Variants in CNKSR3 observed in about 807,000 individuals in gnomAD.
CNKSR3 encodes the protein CNKSR family member 3, also known as connector enhancer of kinase suppressor of ras 3.
A neutral mutation model predicts 67.7 loss-of-function variants in CNKSR3; 36 were observed. That is an observed-to-expected ratio of 0.53 (90% CI 0.41 to 0.70). The LOEUF is 0.70. Ranked by LOEUF, CNKSR3 falls within the 30% of genes least tolerant of loss-of-function variation. The pLI, the probability that CNKSR3 is intolerant of heterozygous loss-of-function variation, is 0.00. For missense variants in CNKSR3, 630 were observed against 695.2 expected (o/e 0.91, Z 1.05); for synonymous variants, 281 against 271.4 (o/e 1.04, Z -0.35).
intron 6 of CNKSR3, among the ~76,000 whole-genome samples, chr6:154,429,711 C>T (rs1425650993): frequency 1.3e-5 from 2 of 152,074 alleles, no homozygotes; most frequent in Non-Finnish European, 2.9e-5. Flanking sequence ...CTTTCCCCCT[C>T]CCCCGTCTCC....
intron 2 of CNKSR3, among the ~76,000 whole-genome samples, chr6:154,445,063 A>G (rs561619654): frequency 1.1e-4 from 17 of 152,274 alleles, no homozygotes; most frequent in African/African-American, 3.8e-4. Context: ...AACAACAACA[A>G]AAGGCTTTAA....
chr6:154,437,921 T>G (rs1030689186), intron 4 of CNKSR3, among the ~76,000 whole-genome samples: 1 of 152,202 alleles, frequency 6.6e-6, no homozygotes, highest in African/African-American at 2.4e-5. Flanking sequence ...CTATCAAATT[T>G]GATTCCAGAA....
chr6:154,502,040 A>G (rs1441676965), intron 1 of CNKSR3, among the ~76,000 whole-genome samples: 1 of 152,190 alleles, frequency 6.6e-6, no homozygotes, highest in African/African-American at 2.4e-5. Context: ...AAATATCCCA[A>G]TTACACCACC....
chr6:154,474,674 C>G (rs1786406654), intron 1 of CNKSR3, among the ~76,000 whole-genome samples: 2 of 152,092 alleles, frequency 1.3e-5, no homozygotes, highest in Non-Finnish European at 2.9e-5. Context: ...GTGCCCCTGG[C>G]ACAGCCGTAG....
chr6:154,441,465 T>C (rs997178940), intron 3 of CNKSR3, 86 bp from the exon 4 acceptor site: 21 of 917,934 alleles, frequency 2.3e-5, no homozygotes, highest in Admixed American at 3.9e-5. Context: ...AGCTACCCCA[T>C]GGGCTACTCT....
intron 1 of CNKSR3, among the ~76,000 whole-genome samples, chr6:154,475,878 A>C (rs1236579313): frequency 6.6e-6 from 1 of 152,080 alleles, no homozygotes; most frequent in Non-Finnish European, 1.5e-5. Context: ...GATGATAAAA[A>C]AACCTTAAGT....
intron 1 of CNKSR3, among the ~76,000 whole-genome samples, chr6:154,509,616 A>G (rs1422022549): frequency 1.3e-5 from 2 of 152,088 alleles, no homozygotes; most frequent in Non-Finnish European, 2.9e-5. Flanking sequence ...CAGCCCTGTC[A>G]CGCCTGCGGA....
intron 4 of CNKSR3, among the ~76,000 whole-genome samples, chr6:154,436,827 G>C (rs1785481072): frequency 6.6e-6 from 1 of 152,072 alleles, no homozygotes; most frequent in African/African-American, 2.4e-5. Context: ...CCTCAACACT[G>C]AACGGGAAGA....
chr6:154,443,586 G>GT (rs1785648458), intron 2 of CNKSR3, among the ~76,000 whole-genome samples: 1 of 152,094 alleles, frequency 6.6e-6, no homozygotes. Context: ...GCCCACTACC[G>GT]TATTTCCAGC....
At chr6:154,406,939 G>C (rs541880963) in intron 12 of CNKSR3, among the ~76,000 whole-genome samples, 1 of 147,344 alleles carries the variant, frequency 6.8e-6, no homozygotes, top group South Asian at 2.2e-4. Context: ...TTGACAGAGC[G>C]AGACTCTGTC....
intron 9 of CNKSR3, among the ~76,000 whole-genome samples, chr6:154,418,562 T>C (rs1785070190): frequency 6.6e-6 from 1 of 152,158 alleles, no homozygotes; most frequent in South Asian, 2.1e-4. Context: ...CCAACATTTA[T>C]CTTATGCAAC....
At chr6:154,411,248 C>T (rs111531969) in intron 10 of CNKSR3, 106 bp from the exon 11 acceptor site, 46 of 788,576 alleles carry the variant, frequency 5.8e-5, no homozygotes, top group African/African-American at 3.5e-4. Flanking sequence ...AATTTAAATT[C>T]TCCTTTTCCA....
chr6:154,463,368 C>T (rs369418350), intron 1 of CNKSR3, among the ~76,000 whole-genome samples: 2 of 152,266 alleles, frequency 1.3e-5, no homozygotes, highest in Admixed American at 1.3e-4. Flanking sequence ...CCACCGCGCC[C>T]GGCTTCACCT....
In CNKSR3 at chr6:154,396,524, C is replaced by A. The variant is rs1221663978; in HGVS notation, c.*9830G>T. ...ACTTCAATAATATTTTCTCTGCCTA[C>A]AGAGCAAATATAAGGGTAAATTATA... On this transcript the variant is annotated 3_prime_UTR_variant, in exon 13 of 13. Transcript: ENST00000607772. 1 of 152,070 alleles carries A rather than the reference C, an allele frequency of 6.6e-6. No homozygotes were observed. Among genetic ancestry groups the A allele is most frequent in the African/African-American group, 2.4e-5 (1 of 41,396 alleles). The allele number at this position is 152,070 out of a possible 1,614,324, so 9.4% of individuals were successfully genotyped here. A position where few individuals can be genotyped will look rare whatever the true frequency, so the allele number is the denominator to read the frequency against.
chr6:154,443,432 G>A (rs374382186), intron 2 of CNKSR3, among the ~76,000 whole-genome samples: 1 of 86,150 alleles, frequency 1.2e-5, no homozygotes, highest in Non-Finnish European at 2.2e-5. Context: ...ACCAAAAATC[G>A]CCCTGTGTCC....
chr6:154,407,903 T>C (rs1313185136), intron 12 of CNKSR3, among the ~76,000 whole-genome samples: 1 of 120,132 alleles, frequency 8.3e-6, no homozygotes, highest in Non-Finnish European at 1.7e-5. Flanking sequence ...AAACCTAAAT[T>C]TCCAACAGTG....
At chr6:154,506,775 G>T (rs1483953700) in intron 1 of CNKSR3, among the ~76,000 whole-genome samples, 1 of 152,210 alleles carries the variant, frequency 6.6e-6, no homozygotes, top group Non-Finnish European at 1.5e-5. Context: ...GAACTGACTG[G>T]CAAGGCGCCA....
In CNKSR3 at chr6:154,389,467, G is replaced by A. The variant is rs193110343; in HGVS notation, c.*16887C>T. The A allele has an allele frequency of 2.6e-5, 4 of 152,264 alleles. No homozygotes were observed. Among genetic ancestry groups the A allele is most frequent in the African/African-American group, 9.6e-5 (4 of 41,542 alleles). The allele number at this position is 152,264 out of a possible 1,614,324, so 9.4% of individuals were successfully genotyped here. ...CACATATATGTCTATCTGTTGGCCA[G>A]TAACATACTGTTTTGATTACTGTAG... On this transcript the variant is annotated 3_prime_UTR_variant, in exon 13 of 13. Transcript: ENST00000607772.
At chr6:154,505,508 T>A (rs1177732119) in intron 1 of CNKSR3, among the ~76,000 whole-genome samples, 1 of 149,270 alleles carries the variant, frequency 6.7e-6, no homozygotes, top group African/African-American at 2.4e-5. Flanking sequence ...TTTTTTTTTT[T>A]TTTTTTTGAG....
Sources: gnomAD v4.1 joint callset for allele counts (sites outside exome capture counted in the v4.1 genomes callset) on GRCh38, gnomAD v4.1.1 for gene constraint, MANE v1.5 for transcripts, NCBI Gene and HGNC (gene_info 2026-07-23, HGNC 2026-07-21) for gene names.